The following RB1 variants were observed in gnomAD, a reference collection of about 807,000 sequenced individuals.
The protein encoded by RB1 is retinoblastoma-associated protein.
RB1 carries 18 observed loss-of-function variants against 135.4 expected under a neutral mutation model. That is an observed-to-expected ratio of 0.13 (90% CI 0.09 to 0.20). RB1 has a LOEUF of 0.20. Among genes scored for constraint, RB1 ranks in the 10% least tolerant of loss-of-function variants. The pLI, the probability that RB1 is intolerant of heterozygous loss-of-function variation, is 1.00. For missense variants in RB1, 868 were observed against 1,110.0 expected, an observed-to-expected ratio of 0.78 and a Z score of 3.10; for synonymous variants, 365 against 373.2, an observed-to-expected ratio of 0.98 and a Z score of 0.25.
At chr13:48,366,558 A>G (rs561852028) in intron 9 of RB1, among the ~76,000 whole-genome samples, 52 of 152,334 alleles carry the variant, frequency 3.4e-4, no homozygotes, top group Non-Finnish European at 5.9e-4. Flanking sequence ...TCTCTTGGGC[A>G]TTGGTTTTTA....
chr13:48,456,855 G>T (rs1024841762), intron 19 of RB1, among the ~76,000 whole-genome samples: 4 of 152,244 alleles, frequency 2.6e-5, no homozygotes, highest in African/African-American at 7.2e-5. Flanking sequence ...GCTGGCACTG[G>T]GGAACAATAA....
chr13:48,326,176 T>C (rs758175204), intron 2 of RB1, among the ~76,000 whole-genome samples: 2 of 152,182 alleles, frequency 1.3e-5, no homozygotes, highest in Admixed American at 6.5e-5. Context: ...GTTAGAATAG[T>C]GTTTGATGCT....
intron 3 of RB1, among the ~76,000 whole-genome samples, chr13:48,344,851 G>A (rs4151453): frequency 6.6e-5 from 10 of 152,176 alleles, no homozygotes; most frequent in African/African-American, 2.2e-4. Context: ...TTGACCCTTC[G>A]TTTTCTTATA....
chr13:48,481,618 T>C lies in RB1; in HGVS notation c.*1547T>C, dbSNP rs4151634. On this transcript the variant is annotated 3_prime_UTR_variant, in exon 27 of 27. Transcript: ENST00000267163. ...AAAACTTGACTCCATTTCATCATTGTTTCTGCATGAATATCATACAAATCA... is the reference window on the plus strand; with the variant it reads ...AAAACTTGACTCCATTTCATCATTGCTTCTGCATGAATATCATACAAATCA... 4.3e-6 allele frequency: 1 copy of C among 231,350 alleles called. No individual in the cohort carries two copies. The highest frequency in any genetic ancestry group is 1.8e-4 in the South Asian group (1 of 5,514). The allele number at this position is 231,350 out of a possible 1,614,324, so 14.3% of individuals were successfully genotyped here.
In RB1 at chr13:48,408,070, C is replaced by T. The variant is rs75937206; in HGVS notation, c.1695+26627C>T. Among the ~76,000 whole-genome samples the T allele has an allele frequency of 6.3e-3, 958 of 152,034 alleles. 12 individuals are homozygous for T. Among genetic ancestry groups the T allele is most frequent in the African/African-American group, 0.022 (911 of 41,522 alleles). On this transcript the variant is annotated intron_variant, in intron 17 of 26. Coordinates refer to ENST00000267163, the MANE Select transcript of RB1 (RefSeq NM_000321.3). The stretch of plus-strand genomic sequence containing the variant: ...TACCATTCATGAACCAAATGTTTCT[C>T]GGATGGGAATATGAAGTTTGCTCCA...
chr13:48,446,212 C>T (rs1422253817), intron 17 of RB1, among the ~76,000 whole-genome samples: 2 of 152,174 alleles, frequency 1.3e-5, no homozygotes, highest in Non-Finnish European at 2.9e-5. Flanking sequence ...CCTGCCTCAG[C>T]CTTCCAAGGT....
In RB1 at chr13:48,318,812, C is replaced by T. The variant is rs1338320235; in HGVS notation, c.264+11406C>T. The T allele has an allele frequency of 2.6e-5, 24 of 920,076 alleles. No individual in the cohort carries two copies. The Admixed American group carries it at 3.0e-4, about 12-fold the overall frequency. The allele number at this position is 920,076 out of a possible 1,614,324, so 57.0% of individuals were successfully genotyped here. ...GTGAAAGTGGGCCCTGGGCAGCCTG[C>T]GAGCAGCTCTCACCTCTGGCCAGCA... On this transcript the variant is annotated intron_variant, in intron 2 of 26. Transcript: ENST00000267163.
Position 48,348,962 on chromosome 13 carries a change from T to G in RB1, c.546T>G (p.Ser182=). 6.2e-7 allele frequency: 1 copy of G among 1,601,942 alleles called. No individual in the cohort carries two copies. The highest frequency in any genetic ancestry group is 8.5e-7 in the Non-Finnish European group (1 of 1,173,016). ...CTTTCTATTTGTTTAATAGGATATC[T>G]ACTGAAATAAATTCTGCATTGGTGC... ...IYLTQPSSSI[S]TEINSALVLK... is the part of the protein sequence containing the mutation. The change falls in exon 6 of 27, where the codon TCT becomes TCG. Residue 182 remains serine (S), a synonymous_variant. Transcript: ENST00000267163.
chr13:48,412,158 C>G (rs1272065750), intron 17 of RB1: 11 of 1,613,932 alleles, frequency 6.8e-6, no homozygotes, highest in Non-Finnish European at 9.3e-6. Context: ...AGAAATCTTA[C>G]AAAGTAAATC....
intron 17 of RB1, among the ~76,000 whole-genome samples, chr13:48,418,607 T>C (rs1402019773): frequency 6.7e-6 from 1 of 150,038 alleles, no homozygotes; most frequent in African/African-American, 2.5e-5. Context: ...GGATAAAGAG[T>C]CAAGACCCAT....
At chr13:48,372,396 C>T (rs1301711891) in intron 11 of RB1, among the ~76,000 whole-genome samples, 1 of 152,102 alleles carries the variant, frequency 6.6e-6, no homozygotes, top group African/African-American at 2.4e-5. Flanking sequence ...TGTGGTGGCT[C>T]ACGCCTGTAA....
intron 17 of RB1, among the ~76,000 whole-genome samples, chr13:48,448,812 C>T (rs1038943347): frequency 1.3e-5 from 2 of 152,166 alleles, no homozygotes; most frequent in African/African-American, 2.4e-5. Context: ...TGTGATGTAT[C>T]ATGTAATCCT....
At chr13:48,421,605 T>C (rs1949005737) in intron 17 of RB1, among the ~76,000 whole-genome samples, 1 of 152,186 alleles carries the variant, frequency 6.6e-6, no homozygotes, top group African/African-American at 2.4e-5. Context: ...AGAAAATTTT[T>C]GCGATCTATC....
In RB1 at chr13:48,461,895, C is replaced by T. The variant is rs58854758; in HGVS notation, c.2107-1836C>T. Among the ~76,000 whole-genome samples the T allele has an allele frequency of 0.012, 1,755 of 151,532 alleles. 62 individuals carry two copies. In the East Asian group the frequency reaches 0.12, roughly 10 times the overall value. Reference sequence around the variant, plus strand: ...TCGCCCAGGCTAGAGTGCAGTGGCACGATCTCGGCTCACGGCAATCTTCGC... The same window carrying T: ...TCGCCCAGGCTAGAGTGCAGTGGCATGATCTCGGCTCACGGCAATCTTCGC... On this transcript the variant is annotated intron_variant, in intron 20 of 26. Coordinates refer to ENST00000267163, the MANE Select transcript of RB1 (RefSeq NM_000321.3).
At chr13:48,457,896 G>T (rs551690386) in intron 19 of RB1, among the ~76,000 whole-genome samples, 7 of 152,250 alleles carry the variant, frequency 4.6e-5, no homozygotes, top group African/African-American at 1.7e-4. Flanking sequence ...CGAGGGCGGT[G>T]GCAGTTGGGG....
rs2138345949 is a variant in RB1, at chr13:48,465,303, C to A, written c.2424C>A (p.Pro808=). The change falls in exon 23 of 27, where the codon CCC becomes CCA. Residue 808 remains proline (P), a synonymous_variant. Coordinates refer to ENST00000267163, the MANE Select transcript of RB1 (RefSeq NM_000321.3). The stretch of plus-strand genomic sequence containing the variant: ...CTGGAGGGAACATCTATATTTCACC[C>A]CTGAAGAGTCCATATAAAATTTCAG... ...RIPGGNIYIS[P]LKSPYKISEG... is the part of the protein sequence containing the mutation. 1 of 1,610,964 alleles carries A rather than the reference C, an allele frequency of 6.2e-7. No homozygotes were observed. Among genetic ancestry groups the A allele is most frequent in the Non-Finnish European group, 8.5e-7 (1 of 1,177,260 alleles).
rs538578527 is a variant in RB1, at chr13:48,348,987, C to T, written c.571C>T (p.Leu191=). ...TACTGAAATAAATTCTGCATTGGTGCTAAAAGTTTCTTGGATCACATTTTT... is the reference window on the plus strand; with the variant it reads ...TACTGAAATAAATTCTGCATTGGTGTTAAAAGTTTCTTGGATCACATTTTT... ...ISTEINSALV[L]KVSWITFLLA... Residue 191 remains leucine, a synonymous_variant, in exon 6 of 27, where the codon CTA becomes TTA. Coordinates refer to ENST00000267163, the MANE Select transcript of RB1 (RefSeq NM_000321.3). The T allele has an allele frequency of 1.6e-4, 252 of 1,600,044 alleles. 3 individuals carry two copies. In the South Asian group the frequency reaches 2.7e-3, roughly 17 times the overall value.
chr13:48,320,391 G>A, intron 2 of RB1: 3 of 1,181,430 alleles, frequency 2.5e-6, no homozygotes, highest in Non-Finnish European at 3.7e-6. Flanking sequence ...AGAAGCACCC[G>A]GGGAACCTAA....
intron 8 of RB1, among the ~76,000 whole-genome samples, 184 bp from the exon 9 acceptor site, chr13:48,364,710 T>A (rs1952676753): frequency 6.6e-6 from 1 of 152,002 alleles, no homozygotes; most frequent in South Asian, 2.1e-4. Flanking sequence ...GCCACTACAC[T>A]TCAGCCTAGG....
Sources: allele counts gnomAD v4.1 joint callset (sites outside exome capture counted in the v4.1 genomes callset), GRCh38; gene constraint gnomAD v4.1.1; transcripts MANE v1.5; gene names NCBI Gene and HGNC (gene_info 2026-07-23, HGNC 2026-07-21).